The following RIN2 variants were observed in gnomAD, a reference collection of about 807,000 sequenced individuals.
The protein encoded by RIN2 is RAB5 interacting protein 2.
In RIN2, 36 loss-of-function variants were observed where a neutral mutation model predicts 78.0. The ratio of observed to expected loss-of-function variants is 0.46; its 90% confidence interval spans 0.35 to 0.61. The LOEUF (loss-of-function observed/expected upper bound fraction) is 0.61, where lower values mean the gene tolerates loss of function less well. Ranked by LOEUF, RIN2 falls within the 20% of genes least tolerant of loss-of-function variation. The pLI, the probability that RIN2 is intolerant of heterozygous loss-of-function variation, is 0.00. For missense variants in RIN2, 1,087 were observed against 1,159.7 expected (o/e 0.94, Z 0.91); for synonymous variants, 466 against 466.8 (o/e 1.00, Z 0.02).
chr20:19,957,405 G>A (rs898635638), intron 5 of RIN2, among the ~76,000 whole-genome samples: 1 of 152,220 alleles, frequency 6.6e-6, no homozygotes, highest in African/African-American at 2.4e-5. Context: ...AGCCGGGCAC[G>A]GTGGCTCACG....
intron 2 of RIN2, among the ~76,000 whole-genome samples, chr20:19,853,890 C>A (rs1257399234): frequency 6.6e-6 from 1 of 151,446 alleles, no homozygotes; most frequent in Non-Finnish European, 1.5e-5. Flanking sequence ...TTAATTAGAT[C>A]CCATTTGTCA....
chr20:19,778,568 T>G (rs750746491), intron 1 of RIN2, among the ~76,000 whole-genome samples: 2 of 152,198 alleles, frequency 1.3e-5, no homozygotes, highest in Non-Finnish European at 2.9e-5. Context: ...AGCCAGGATT[T>G]GGAACCAGAA....
At chr20:19,817,339 G>C (rs12480090) in intron 2 of RIN2, among the ~76,000 whole-genome samples, 15,771 of 152,204 alleles carry the variant, frequency 0.1, 1,086 homozygotes, top group African/African-American at 0.2. Flanking sequence ...AAAGATGAAG[G>C]TTTCTAGCTG....
intron 1 of RIN2, among the ~76,000 whole-genome samples, chr20:19,767,409 C>T (rs184443096): frequency 3.3e-4 from 51 of 152,254 alleles, no homozygotes; most frequent in Admixed American, 3.1e-3. Context: ...GGGAAAGTTA[C>T]AGCAGTAAGT....
chr20:19,845,643 A>G (rs1372023059), intron 2 of RIN2, among the ~76,000 whole-genome samples: 2 of 149,564 alleles, frequency 1.3e-5, no homozygotes, highest in Non-Finnish European at 1.5e-5. Flanking sequence ...TGTCAGATGG[A>G]TAGATTGCAA....
rs867685167 is a variant in RIN2 at position 19,760,647 on chromosome 20, G to A, written c.-163+2320G>A. Among the ~76,000 whole-genome samples, 3 of 152,048 alleles carry A rather than the reference G, an allele frequency of 2.0e-5. 1 individual carries two copies. The highest frequency in any genetic ancestry group is 4.2e-4 in the South Asian group (2 of 4,814). ...CACAGATGAATCAGGTATCACAGAT[G>A]AAACACAGGGTATGCTACCCTGAGA... On this transcript the variant is annotated intron_variant, in intron 1 of 12. Transcript: ENST00000255006.
intron 1 of RIN2, among the ~76,000 whole-genome samples, chr20:19,758,661 C>T (rs2033488112): frequency 6.6e-6 from 1 of 152,134 alleles, no homozygotes; most frequent in Admixed American, 6.5e-5. Flanking sequence ...GGTGCAGGCA[C>T]TATGGCTCGA....
chr20:19,944,529 C>T (rs1478356867), intron 4 of RIN2, among the ~76,000 whole-genome samples: 1 of 152,224 alleles, frequency 6.6e-6, no homozygotes, highest in East Asian at 1.9e-4. Context: ...AGCCTGGGCC[C>T]TCCGGCAATG....
chr20:19,900,122 G>A (rs915956186), intron 3 of RIN2, among the ~76,000 whole-genome samples: 4 of 152,138 alleles, frequency 2.6e-5, no homozygotes, highest in Admixed American at 1.3e-4. Flanking sequence ...AATGAATGTG[G>A]GTTTTTTGGT....
At position 19,911,907 on chromosome 20, in the gene RIN2, G is replaced by A. The variant is rs182167918; in HGVS notation, c.57+22249G>A. On this transcript the variant is annotated intron_variant, in intron 3 of 12. Coordinates refer to ENST00000255006, the MANE Select transcript of RIN2 (RefSeq NM_018993.4). ...GTTATCAGAATAGGTGAATCGCGTG[G>A]GTGAGCCCAGCGTACAGATGTGCAG... Among the ~76,000 whole-genome samples the A allele has an allele frequency of 8.9e-4, 136 of 152,248 alleles. 1 individual carries two copies. The highest frequency in any genetic ancestry group is 3.2e-3 in the African/African-American group (131 of 41,556).
At chr20:19,880,598 G>A (rs1319622903) in intron 2 of RIN2, among the ~76,000 whole-genome samples, 1 of 151,778 alleles carries the variant, frequency 6.6e-6, no homozygotes, top group African/African-American at 2.4e-5. Flanking sequence ...GTGCTGCTGG[G>A]CTCAAGAGAT....
intron 7 of RIN2, among the ~76,000 whole-genome samples, chr20:19,967,921 G>A (rs2041988555): frequency 6.6e-6 from 1 of 152,140 alleles, no homozygotes; most frequent in South Asian, 2.1e-4. Context: ...TTAGGATGAT[G>A]AAAACACTGA....
At chr20:19,763,519 C>T (rs1783273573) in intron 1 of RIN2, among the ~76,000 whole-genome samples, 1 of 126,000 alleles carries the variant, frequency 7.9e-6, no homozygotes, top group Admixed American at 8.7e-5. Flanking sequence ...AGCATAATCA[C>T]ATAATGAATG....
chr20:19,954,195 T>C (rs935848206), intron 4 of RIN2, among the ~76,000 whole-genome samples: 1 of 152,248 alleles, frequency 6.6e-6, no homozygotes, highest in South Asian at 2.1e-4. Flanking sequence ...GAGTTGTCCA[T>C]GTGGAAATAT....
intron 4 of RIN2, among the ~76,000 whole-genome samples, chr20:19,944,246 A>G (rs1361899531): frequency 2.0e-5 from 3 of 152,034 alleles, no homozygotes; most frequent in East Asian, 3.9e-4. Context: ...CTCTCTACAT[A>G]AGGGGCCTCT....
chr20:19,771,123 G>C (rs926625226), intron 1 of RIN2, among the ~76,000 whole-genome samples: 1 of 152,190 alleles, frequency 6.6e-6, no homozygotes, highest in African/African-American at 2.4e-5. Context: ...GGCCTTTGGC[G>C]TGTTTGTGGA....
chr20:19,969,097 TTTC>T (rs1162822606), intron 7 of RIN2, among the ~76,000 whole-genome samples: 5 of 152,214 alleles, frequency 3.3e-5, no homozygotes, highest in Non-Finnish European at 7.3e-5. Context: ...TTCTTGCTTT[TTTC>T]TTCTTTTCAT....
At chr20:19,792,472 T>A (rs2034919333) in intron 1 of RIN2, among the ~76,000 whole-genome samples, 1 of 152,128 alleles carries the variant, frequency 6.6e-6, no homozygotes, top group Non-Finnish European at 1.5e-5. Context: ...TAATAGGATG[T>A]AATGAGTGAT....
chr20:19,957,064 C>T (rs1045013125), intron 5 of RIN2, among the ~76,000 whole-genome samples: 4 of 152,138 alleles, frequency 2.6e-5, no homozygotes, highest in African/African-American at 4.8e-5. Flanking sequence ...ATCTGGGTAG[C>T]GAGTAGGGGC....
Sources: gnomAD v4.1 joint callset for allele counts (sites outside exome capture counted in the v4.1 genomes callset) on GRCh38, gnomAD v4.1.1 for gene constraint, MANE v1.5 for transcripts, NCBI Gene and HGNC (gene_info 2026-07-23, HGNC 2026-07-21) for gene names.